The following SLIT1 variants were observed in gnomAD, a reference collection of about 807,000 sequenced individuals.
SLIT1 encodes slit guidance ligand 1.
SLIT1 carries 66 observed loss-of-function variants against 186.1 expected under a neutral mutation model. The ratio of observed to expected loss-of-function variants is 0.35; its 90% CI spans 0.29 to 0.44. The LOEUF (loss-of-function observed/expected upper bound fraction) is 0.44. Ranked by LOEUF, SLIT1 falls within the 20% of genes least tolerant of loss-of-function variation. SLIT1 has a pLI of 1.00. For synonymous variants in SLIT1, 761 were observed against 833.8 expected (o/e 0.91, Z 1.50); for missense variants, 1,638 against 2,037.4 (o/e 0.80, Z 3.77).
chr10:97,137,913 A>G (rs184656602), intron 4 of SLIT1, among the ~76,000 whole-genome samples: 36 of 152,318 alleles, frequency 2.4e-4, no homozygotes, highest in African/African-American at 8.7e-4. Flanking sequence ...CTGTTTCCAC[A>G]TAAGAAAACT....
rs1277626225 is a variant in SLIT1, at chr10:97,043,203, G to A, written c.1998-136C>T. ...CCCAGACCACCACCCATCACCAAGA[G>A]GACCGGCTCTGAGGACCGGAGGGAG... On this transcript the variant is annotated intron_variant, in intron 19 of 36. Coordinates refer to ENST00000266058, the MANE Select transcript of SLIT1 (RefSeq NM_003061.3). The surrounding 1 kb of genome is among the most constrained non-coding windows in gnomAD (Gnocchi z 7.0). 1 of 1,316,734 alleles carries A rather than the reference G, an allele frequency of 7.6e-7. No homozygotes were observed. Among genetic ancestry groups the A allele is most frequent in the African/African-American group, 1.5e-5 (1 of 68,382 alleles). The allele number at this position is 1,316,734 out of a possible 1,614,324, so 81.6% of individuals were successfully genotyped here. A position where few individuals can be genotyped will look rare whatever the true frequency, so the allele number is the denominator to read the frequency against.
At chr10:97,137,384 A>T (rs2134699652) in intron 4 of SLIT1, among the ~76,000 whole-genome samples, 1 of 152,320 alleles carries the variant, frequency 6.6e-6, no homozygotes, top group East Asian at 1.9e-4. Context: ...AGAAAACCAC[A>T]TCTGGAAAAT....
chr10:97,165,672 C>T (rs971532587), intron 1 of SLIT1, among the ~76,000 whole-genome samples: 3 of 152,088 alleles, frequency 2.0e-5, no homozygotes, highest in Non-Finnish European at 4.4e-5. Flanking sequence ...GAGGAGAAAC[C>T]GAGGGCCAGC....
In SLIT1 at chr10:97,001,345, C is replaced by T. The variant is rs765751490; in HGVS notation, c.4372G>A (p.Glu1458Lys). Residue 1458 changes from glutamate (E) to lysine (K), a missense_variant, in exon 37 of 37, where the codon GAG becomes AAG. Physicochemically the swap from Glu to Lys is moderately conservative, Grantham distance 56. This residue lies in a region of SLIT1 where 220 missense variants were observed against 211.3 expected (regional missense o/e 1.04). Transcript: ENST00000266058. ...FSGELCEQES[E>K]CRGDPVRDFH... is the part of the protein sequence containing the mutation. ...TCCCGGACAGGGTCCCCCCGGCACT[C>T]GGACTCTGGATGGGACAGACACCAA... 117 of 1,611,806 alleles carry T rather than the reference C, an allele frequency of 7.3e-5. No homozygotes were observed. In the Admixed American group the frequency reaches 1.2e-3, roughly 16 times the overall value.
In SLIT1 at chr10:97,021,557, G is replaced by T; in HGVS notation, c.2583-144C>A. The stretch of plus-strand genomic sequence containing the variant: ...GAGCATTTACTGTATAGTCAGTGCT[G>T]CTTTTTTTTTTTTTTCTTTTTTTGA... On this transcript the variant is annotated intron_variant, in intron 25 of 36. Coordinates refer to ENST00000266058, the MANE Select transcript of SLIT1 (RefSeq NM_003061.3). The surrounding 1 kb of genome is among the most constrained non-coding windows in gnomAD (Gnocchi z 4.5). 6.6e-6 allele frequency: 4 copies of T among 602,306 alleles called. No individual in the cohort carries two copies. The highest frequency in any genetic ancestry group is 2.8e-5 in the South Asian group (1 of 35,134). 37.3% of individuals were successfully genotyped at this position (602,306 alleles called of 1,614,324 possible).
chr10:97,026,451 C>T (rs958519972), intron 25 of SLIT1, among the ~76,000 whole-genome samples: 3 of 148,616 alleles, frequency 2.0e-5, no homozygotes, highest in Non-Finnish European at 4.4e-5. Flanking sequence ...GCGATAAGAG[C>T]GAAACTCCGT....
chr10:97,068,762 G>A lies in SLIT1; in HGVS notation c.414-2676C>T, dbSNP rs565123241. Among the ~76,000 whole-genome samples, 5 of 152,116 alleles carry A rather than the reference G, an allele frequency of 3.3e-5. No homozygotes were observed. In the East Asian group the frequency reaches 9.6e-4, roughly 29 times the overall value. On this transcript the variant is annotated intron_variant, in intron 4 of 36. Coordinates refer to ENST00000266058, the MANE Select transcript of SLIT1 (RefSeq NM_003061.3). This position sits in a 1 kb window ranked among gnomAD's most constrained non-coding sequence, Gnocchi z 4.2. ...CGATCTTGGTTACTTGTGCCATATC[G>A]CCAGCTCCCCAGTGTAGTCTGTCAG...
intron 1 of SLIT1, among the ~76,000 whole-genome samples, chr10:97,176,455 G>T (rs1004680775): frequency 2.0e-5 from 3 of 151,852 alleles, no homozygotes; most frequent in Admixed American, 2.0e-4. Flanking sequence ...AGAGACTCCA[G>T]TCCACCTGCC....
Position 97,064,220 on chromosome 10 carries a change from T to C in SLIT1, c.577A>G (p.Ile193Val), listed in dbSNP as rs1300260094. 5.0e-6 allele frequency: 8 copies of C among 1,613,506 alleles called. No homozygotes were observed. The highest frequency in any genetic ancestry group is 6.8e-6 in the Non-Finnish European group (8 of 1,179,836). ...LEVLTLNNNN[I>V]TTIPVSSFNH... Reference sequence around the variant, plus strand: ...AAGCTGGACACGGGGATGGTGGTGATATTGTTGTTGTTCAGGGTCCTAAAT... The same window carrying C: ...AAGCTGGACACGGGGATGGTGGTGACATTGTTGTTGTTCAGGGTCCTAAAT... Residue 193 changes from isoleucine to valine, a missense_variant, in exon 7 of 37, where the codon ATC (isoleucine) becomes GTC (valine). Physicochemically the swap from Ile to Val is conservative, Grantham distance 29. Transcript: ENST00000266058.
intron 31 of SLIT1, among the ~76,000 whole-genome samples, chr10:97,009,462 AC>A (rs1382635015): frequency 2.6e-5 from 4 of 152,208 alleles, no homozygotes; most frequent in Non-Finnish European, 5.9e-5. Flanking sequence ...TGGGCCCTCT[AC>A]CCATATATAA....
intron 28 of SLIT1, among the ~76,000 whole-genome samples, chr10:97,017,120 G>C: frequency 6.6e-6 from 1 of 152,202 alleles, no homozygotes; most frequent in East Asian, 1.9e-4. Flanking sequence ...GAGGTGAGGG[G>C]GCTGCCCCAT....
intron 26 of SLIT1, among the ~76,000 whole-genome samples, chr10:97,020,026 A>G (rs1430222830): frequency 6.6e-6 from 1 of 151,178 alleles, no homozygotes; most frequent in African/African-American, 2.4e-5. Context: ...CCAGGCTGCA[A>G]TGCACTGGCG....
rs779700602 is a variant in SLIT1 at position 97,021,402 on chromosome 10, G to C, written c.2594C>G (p.Ala865Gly). 4 of 1,613,538 alleles carry C rather than the reference G, an allele frequency of 2.5e-6. No homozygotes were observed. The Admixed American group carries it at 6.7e-5, about 27-fold the overall frequency. The change falls in exon 26 of 37, where the codon GCC becomes GGC. Residue 865 changes from alanine (A) to glycine (G), a missense_variant. By Grantham distance (60) the Ala-to-Gly change is moderately conservative. Transcript: ENST00000266058. This position sits in a 1 kb window ranked among gnomAD's most constrained non-coding sequence, Gnocchi z 4.5. ...VTSLSHLAIGANPLYCDCHLR... is the reference protein window; with the variant it reads ...VTSLSHLAIGGNPLYCDCHLR... ...GTGGCAGTCACAGTATAGGGGGTTGGCACCAATGGCCCTGAGCAGAAAGCA... is the reference window on the plus strand; with the variant it reads ...GTGGCAGTCACAGTATAGGGGGTTGCCACCAATGGCCCTGAGCAGAAAGCA...
At chr10:97,128,858 G>A (rs542500454) in intron 4 of SLIT1, among the ~76,000 whole-genome samples, 73 of 152,246 alleles carry the variant, frequency 4.8e-4, no homozygotes, top group African/African-American at 1.7e-3. Context: ...CCAGCCTTCC[G>A]GCCGCAGAAC....
rs1171538049 is a variant in SLIT1 at position 97,029,955 on chromosome 10, A to G, written c.2582+802T>C. On this transcript the variant is annotated intron_variant, in intron 25 of 36. Coordinates refer to ENST00000266058, the MANE Select transcript of SLIT1 (RefSeq NM_003061.3). Reference sequence around the variant, plus strand: ...AAGATTCATCCATGTCATAGCACGCATCGGAACTTCATCATTTTTATGGCC... The same window carrying G: ...AAGATTCATCCATGTCATAGCACGCGTCGGAACTTCATCATTTTTATGGCC... Among the ~76,000 whole-genome samples, 18 of 152,238 alleles carry G rather than the reference A, an allele frequency of 1.2e-4. 1 individual carries two copies. The highest frequency in any genetic ancestry group is 1.1e-3 in the Admixed American group (17 of 15,282).
chr10:97,135,279 G>GTTAA lies in SLIT1; in HGVS notation c.413+22538_413+22539insTTAA, dbSNP rs1273405710. Reference sequence around the variant, plus strand: ...GTCTTCATCTGTCCATAACAGTTCGGCCATTTAACATGGTTCTAAAATACT... The same window carrying GTTAA: ...GTCTTCATCTGTCCATAACAGTTCGGTTAACCATTTAACATGGTTCTAAAATACT... On this transcript the variant is annotated intron_variant, in intron 4 of 36. Coordinates refer to ENST00000266058, the MANE Select transcript of SLIT1 (RefSeq NM_003061.3). 1.2e-4 allele frequency among the ~76,000 whole-genome samples: 19 copies of GTTAA among 152,170 alleles called. No individual in the cohort carries two copies. In the South Asian group the frequency reaches 3.7e-3, roughly 30 times the overall value.
rs372538843 is a variant in SLIT1 at position 97,095,558 on chromosome 10, G to A, written c.414-29472C>T. 3.9e-5 allele frequency among the ~76,000 whole-genome samples: 6 copies of A among 152,194 alleles called. No homozygotes were observed. In the South Asian group the frequency reaches 6.2e-4, roughly 16 times the overall value. On this transcript the variant is annotated intron_variant, in intron 4 of 36. Coordinates refer to ENST00000266058, the MANE Select transcript of SLIT1 (RefSeq NM_003061.3). ...AGGGATAGGACTGAATCCCGTGCCA[G>A]GGAGATTCTTAGTGAGAACTGAAGT... is the stretch of plus-strand genomic sequence containing the variant.
intron 4 of SLIT1, among the ~76,000 whole-genome samples, chr10:97,097,527 T>G (rs1849304365): frequency 6.6e-6 from 1 of 152,210 alleles, no homozygotes; most frequent in Non-Finnish European, 1.5e-5. Flanking sequence ...AACTAGCTGT[T>G]AAAAGCATAG....
rs142127192 is a variant in SLIT1 at position 97,177,618 on chromosome 10, C to T, written c.197+7860G>A. Among the ~76,000 whole-genome samples, 396 of 152,206 alleles carry T rather than the reference C, an allele frequency of 2.6e-3. 6 individuals carry two copies. Among genetic ancestry groups the T allele is most frequent in the African/African-American group, 9.0e-3 (373 of 41,512 alleles). ...AGTCAAGGTGGCGGCAGGACATTAA[C>T]GGCGGATTGGATAAAGAAAATATGG... On this transcript the variant is annotated intron_variant, in intron 1 of 36. Transcript: ENST00000266058.
Sources: allele counts gnomAD v4.1 joint callset (sites outside exome capture counted in the v4.1 genomes callset), GRCh38; gene constraint gnomAD v4.1.1; regional missense constraint gnomAD v4.1.1; non-coding constraint Gnocchi (gnomAD v3.1); transcripts MANE v1.5; gene names NCBI Gene and HGNC (gene_info 2026-07-23, HGNC 2026-07-21).